Variants in TMEM132D observed in about 807,000 individuals in gnomAD.
TMEM132D encodes transmembrane protein 132D.
A neutral mutation model predicts 62.3 loss-of-function variants in TMEM132D; 21 were observed. That is an observed-to-expected ratio of 0.34 (90% confidence interval 0.24 to 0.49). The LOEUF is 0.49. Ranked by LOEUF, TMEM132D falls within the 20% of genes least tolerant of loss-of-function variation. The pLI, the probability that TMEM132D is intolerant of heterozygous loss-of-function variation, is 0.99. For missense variants in TMEM132D, 1,346 were observed against 1,402.8 expected (o/e 0.96, Z 0.65); for synonymous variants, 621 against 575.6 (o/e 1.08, Z -1.13).
chr12:129,169,615 T>C (rs1877664202), intron 5 of TMEM132D, among the ~76,000 whole-genome samples: 2 of 152,222 alleles, frequency 1.3e-5, no homozygotes, highest in South Asian at 4.1e-4. Context: ...AGCATGCAAA[T>C]ACAATGGGAC....
At chr12:129,720,611 T>C (rs1565961443) in intron 1 of TMEM132D, among the ~76,000 whole-genome samples, 1 of 152,162 alleles carries the variant, frequency 6.6e-6, no homozygotes, top group South Asian at 2.1e-4. Flanking sequence ...TAGGGAGACG[T>C]TGGCACAATC....
intron 5 of TMEM132D, among the ~76,000 whole-genome samples, chr12:129,166,710 CACATATACACACACACACAT>C (rs1877565597): frequency 5.5e-5 from 7 of 127,282 alleles, no homozygotes; most frequent in African/African-American, 2.2e-4. Context: ...CACACACACA[CACATATACACACACACACAT>C]ATATATATAT....
At chr12:129,353,121 C>T (rs1478743200) in intron 3 of TMEM132D, among the ~76,000 whole-genome samples, 1 of 135,492 alleles carries the variant, frequency 7.4e-6, no homozygotes, top group Non-Finnish European at 1.6e-5. Flanking sequence ...CTCCCTCCCT[C>T]CCTTCCTTCC....
intron 5 of TMEM132D, among the ~76,000 whole-genome samples, chr12:129,112,658 C>T (rs1407687322): frequency 1.3e-5 from 2 of 152,090 alleles, no homozygotes; most frequent in East Asian, 3.9e-4. Context: ...AGCAAAACTC[C>T]GTCTCAAAGA....
chr12:129,158,303 G>T (rs893899066), intron 5 of TMEM132D, among the ~76,000 whole-genome samples: 3 of 152,140 alleles, frequency 2.0e-5, no homozygotes, highest in Non-Finnish European at 2.9e-5. Context: ...GGGGAGAGGA[G>T]GCAAAATGGA....
At chr12:129,300,195 GGA>G (rs1268203716) in intron 4 of TMEM132D, among the ~76,000 whole-genome samples, 4 of 152,150 alleles carry the variant, frequency 2.6e-5, no homozygotes, top group African/African-American at 9.7e-5. Flanking sequence ...TTAAGATGCA[GGA>G]GTGTGTGGTC....
intron 3 of TMEM132D, among the ~76,000 whole-genome samples, chr12:129,450,378 G>T (rs58364249): frequency 2.0e-5 from 3 of 152,020 alleles, no homozygotes; most frequent in African/African-American, 7.2e-5. Flanking sequence ...GTGAATTTTT[G>T]TACAGTCTGT....
At chr12:129,696,663 C>T (rs908522823) in intron 2 of TMEM132D, among the ~76,000 whole-genome samples, 2 of 152,178 alleles carry the variant, frequency 1.3e-5, no homozygotes, top group Non-Finnish European at 2.9e-5. Flanking sequence ...TTCTTATCTT[C>T]CTCCAGGCCC....
intron 2 of TMEM132D, among the ~76,000 whole-genome samples, chr12:129,551,665 C>T (rs1337407814): frequency 6.6e-6 from 1 of 152,172 alleles, no homozygotes; most frequent in Non-Finnish European, 1.5e-5. Flanking sequence ...CCAGCTCCCA[C>T]GATTCATGGA....
intron 2 of TMEM132D, among the ~76,000 whole-genome samples, chr12:129,568,904 G>A (rs1877437841): frequency 6.6e-6 from 1 of 152,168 alleles, no homozygotes; most frequent in South Asian, 2.1e-4. Flanking sequence ...TCTTAAAGCA[G>A]TGACTCTCAA....
intron 1 of TMEM132D, among the ~76,000 whole-genome samples, chr12:129,726,717 A>T (rs61945204): frequency 0.14 from 21,694 of 152,142 alleles, 1,699 homozygotes; most frequent in South Asian, 0.25. Context: ...GCAGTAATGA[A>T]TCCAAGTGAG....
intron 4 of TMEM132D, among the ~76,000 whole-genome samples, chr12:129,337,052 C>T (rs544885080): frequency 6.6e-6 from 1 of 152,332 alleles, no homozygotes; most frequent in South Asian, 2.1e-4. Flanking sequence ...AACACCTTTA[C>T]ATTTCCTAAT....
chr12:129,389,328 C>T (rs1203952640), intron 3 of TMEM132D, among the ~76,000 whole-genome samples: 1 of 152,040 alleles, frequency 6.6e-6, no homozygotes, highest in African/African-American at 2.4e-5. Context: ...AATATTAACA[C>T]AAGTACCAAT....
At chr12:129,235,747 T>C (rs1879762067) in intron 4 of TMEM132D, among the ~76,000 whole-genome samples, 1 of 152,202 alleles carries the variant, frequency 6.6e-6, no homozygotes. Context: ...TTATGTAACT[T>C]TTAAAATCTG....
intron 2 of TMEM132D, among the ~76,000 whole-genome samples, chr12:129,697,628 A>G (rs1881238373): frequency 6.6e-6 from 1 of 152,200 alleles, no homozygotes; most frequent in South Asian, 2.1e-4. Flanking sequence ...ATGGGCTCTG[A>G]ACAAATATAC....
At chr12:129,596,824 C>T (rs966415497) in intron 2 of TMEM132D, among the ~76,000 whole-genome samples, 6 of 151,906 alleles carry the variant, frequency 3.9e-5, no homozygotes, top group Non-Finnish European at 8.8e-5. Context: ...CCACCCCCCG[C>T]CAATAAAGCC....
At chr12:129,645,161 A>G (rs994330414) in intron 2 of TMEM132D, among the ~76,000 whole-genome samples, 5 of 152,118 alleles carry the variant, frequency 3.3e-5, no homozygotes, top group Non-Finnish European at 5.9e-5. Flanking sequence ...TCCTGGATCC[A>G]GGAGAGATTG....
chr12:129,339,218 G>C (rs534264540), intron 3 of TMEM132D, among the ~76,000 whole-genome samples: 1 of 151,118 alleles, frequency 6.6e-6, no homozygotes, highest in Admixed American at 6.6e-5. Context: ...AGTGAGCTGG[G>C]ATCACACCAG....
chr12:129,235,491 CACGATGATGT>C (rs1879755885), intron 4 of TMEM132D, among the ~76,000 whole-genome samples: 1 of 151,804 alleles, frequency 6.6e-6, no homozygotes, highest in African/African-American at 2.4e-5. Flanking sequence ...TTTCACTTAG[CACGATGATGT>C]TGAGATTAAT....
Sources: gnomAD v4.1 joint callset for allele counts (sites outside exome capture counted in the v4.1 genomes callset) on GRCh38, gnomAD v4.1.1 for gene constraint, MANE v1.5 for transcripts, NCBI Gene and HGNC (gene_info 2026-07-23, HGNC 2026-07-21) for gene names.